Variants in ARHGEF4 observed in about 807,000 individuals in gnomAD.
ARHGEF4 encodes Rho guanine nucleotide exchange factor 4, also known as APC-stimulated guanine nucleotide exchange factor 1.
In ARHGEF4, 119 loss-of-function variants were observed where a neutral mutation model predicts 162.0. The ratio of observed to expected loss-of-function variants is 0.73; its 90% CI spans 0.63 to 0.86. The LOEUF is 0.86. Among genes scored for constraint, ARHGEF4 ranks in the 40% least tolerant of loss-of-function variants. ARHGEF4 has a pLI of 0.00. For synonymous variants in ARHGEF4, 1,014 were observed against 979.9 expected, an observed-to-expected ratio of 1.03 and a Z score of -0.65; for missense variants, 2,488 against 2,456.0, an observed-to-expected ratio of 1.01 and a Z score of -0.28.
chr2:130,915,043 G>A lies in ARHGEF4; in HGVS notation c.1097G>A (p.Gly366Glu), dbSNP rs1681397215. Residue 366 changes from glycine to glutamate, a missense_variant, in exon 2 of 14, where the codon GGG (glycine) becomes GAG (glutamate). Physicochemically the swap from Gly to Glu is moderately conservative, Grantham distance 98. Transcript: ENST00000409359. Reference protein sequence around the residue: ...VVKSGTHVKEGAKNERDPRIQ... With the variant: ...VVKSGTHVKEEAKNERDPRIQ... ...AAGTCTGGGACCCATGTGAAGGAAG[G>A]GGCCAAAAATGAACGAGATCCAAGA... The A allele has an allele frequency of 9.0e-6, 14 of 1,550,686 alleles. No homozygotes were observed. The highest frequency in any genetic ancestry group is 1.2e-5 in the Non-Finnish European group (14 of 1,147,026).
At chr2:130,845,595 C>A (rs1002886263) in intron 1 of ARHGEF4, among the ~76,000 whole-genome samples, 3 of 152,044 alleles carry the variant, frequency 2.0e-5, no homozygotes, top group Non-Finnish European at 2.9e-5. Context: ...CTGCACCCAG[C>A]CTAGAAAGTG....
chr2:131,000,351 C>T (rs376299117), intron 4 of ARHGEF4, among the ~76,000 whole-genome samples: 76 of 152,150 alleles, frequency 5.0e-4, no homozygotes, highest in African/African-American at 1.7e-3. Flanking sequence ...ATATTTTGTT[C>T]GGGATTTTGT....
intron 4 of ARHGEF4, among the ~76,000 whole-genome samples, chr2:130,958,180 GTCC>G: frequency 6.6e-6 from 1 of 152,136 alleles, no homozygotes; most frequent in Non-Finnish European, 1.5e-5. Flanking sequence ...AAATACCACT[GTCC>G]TCCTCTTCCA....
chr2:130,985,517 G>A (rs1490413675), intron 4 of ARHGEF4, among the ~76,000 whole-genome samples: 1 of 152,048 alleles, frequency 6.6e-6, no homozygotes, highest in African/African-American at 2.4e-5. Context: ...GGGAAGAAAA[G>A]TAACAGTGTG....
At position 130,937,486 on chromosome 2, in the gene ARHGEF4, A is replaced by C. The variant is rs1683029666; in HGVS notation, c.3858+6229A>C. On this transcript the variant is annotated intron_variant, in intron 3 of 13. Transcript: ENST00000409359. The stretch of plus-strand genomic sequence containing the variant: ...TTTCTCTTTATTGGTATTCCATTTG[A>C]TGAGACATCATTCTTTTGGTTCCTT... Among the ~76,000 whole-genome samples the C allele has an allele frequency of 2.0e-5, 3 of 151,974 alleles. No homozygotes were observed. The South Asian group carries it at 6.2e-4, about 32-fold the overall frequency.
chr2:130,925,795 G>A (rs1421467075), intron 2 of ARHGEF4, among the ~76,000 whole-genome samples: 1 of 152,046 alleles, frequency 6.6e-6, no homozygotes, highest in South Asian at 2.1e-4. Flanking sequence ...TCTTCTTCAT[G>A]TGGATTTCTT....
At chr2:131,009,313 T>G (rs926456357) in intron 4 of ARHGEF4, among the ~76,000 whole-genome samples, 7 of 152,236 alleles carry the variant, frequency 4.6e-5, no homozygotes, top group African/African-American at 4.8e-5. Flanking sequence ...TATCTCTGTC[T>G]TTCATTACAG....
At chr2:130,902,629 A>G (rs1680552858) in intron 1 of ARHGEF4, among the ~76,000 whole-genome samples, 1 of 150,218 alleles carries the variant, frequency 6.7e-6, no homozygotes, top group Non-Finnish European at 1.5e-5. Context: ...AAAGAGAAGA[A>G]AAAAGGAAAA....
chr2:131,006,529 A>T (rs1253454422), intron 4 of ARHGEF4, among the ~76,000 whole-genome samples: 1 of 152,202 alleles, frequency 6.6e-6, no homozygotes, highest in Non-Finnish European at 1.5e-5. Flanking sequence ...AGGGAATGCC[A>T]TCCAGGAGCC....
chr2:131,035,579 A>G (rs781299753), intron 5 of ARHGEF4: 1 of 822,438 alleles, frequency 1.2e-6, no homozygotes, highest in Non-Finnish European at 1.5e-6. Context: ...GCTTGTCTGG[A>G]AACGGAGTGC....
intron 1 of ARHGEF4, among the ~76,000 whole-genome samples, chr2:130,865,811 A>G (rs1253022320): frequency 6.6e-6 from 1 of 151,996 alleles, no homozygotes; most frequent in African/African-American, 2.4e-5. Context: ...CTGGCTCTTG[A>G]TCTCAGGCTG....
chr2:130,865,002 C>T (rs185008104), intron 1 of ARHGEF4, among the ~76,000 whole-genome samples: 15 of 152,308 alleles, frequency 9.8e-5, no homozygotes, highest in Middle Eastern at 3.4e-3. Flanking sequence ...ACTTCCTGAA[C>T]GTTTTTGTTG....
At chr2:130,956,548 T>G (rs1157167789) in intron 4 of ARHGEF4, among the ~76,000 whole-genome samples, 4 of 149,792 alleles carry the variant, frequency 2.7e-5, no homozygotes. Context: ...CTATTCACAA[T>G]AGCAAAGACT....
At chr2:130,855,397 G>C (rs1405504976) in intron 1 of ARHGEF4, among the ~76,000 whole-genome samples, 1 of 152,140 alleles carries the variant, frequency 6.6e-6, no homozygotes, top group East Asian at 1.9e-4. Context: ...GTTTATTACA[G>C]TGAAAAGATA....
chr2:130,915,909 C>G lies in ARHGEF4; in HGVS notation c.1963C>G (p.Leu655Val). ...CAATGCGGGGCCTGTTCCAGAAACACTGCCCCGTGACTTTCCTAAGGAAAG... is the reference window on the plus strand; with the variant it reads ...CAATGCGGGGCCTGTTCCAGAAACAGTGCCCCGTGACTTTCCTAAGGAAAG... Reference protein sequence around the residue: ...RSNAGPVPETLPRDFPKERPE... With the variant: ...RSNAGPVPETVPRDFPKERPE... Residue 655 changes from leucine to valine, a missense_variant, in exon 2 of 14, where the codon CTG becomes GTG. Coordinates refer to ENST00000409359, the MANE Select transcript of ARHGEF4 (RefSeq NM_001367493.1). The G allele has an allele frequency of 1.3e-6, 2 of 1,550,474 alleles. No individual in the cohort carries two copies. The highest frequency in any genetic ancestry group is 1.7e-6 in the Non-Finnish European group (2 of 1,146,950).
intron 4 of ARHGEF4, among the ~76,000 whole-genome samples, chr2:131,001,159 C>G (rs116591665): frequency 1.3e-5 from 2 of 151,754 alleles, no homozygotes; most frequent in African/African-American, 2.4e-5. Context: ...AAACTTTAGC[C>G]GGGCGTGGCA....
intron 10 of ARHGEF4, 126 bp downstream of exon 10, chr2:131,042,070 A>G: frequency 7.4e-7 from 1 of 1,349,024 alleles, no homozygotes; most frequent in Non-Finnish European, 9.9e-7. Flanking sequence ...CTAGCAACAG[A>G]TGCTCATGGT....
At chr2:130,983,532 C>T (rs1382281644) in intron 4 of ARHGEF4, among the ~76,000 whole-genome samples, 3 of 152,170 alleles carry the variant, frequency 2.0e-5, no homozygotes, top group African/African-American at 7.2e-5. Context: ...TTTCATTTTA[C>T]CAACCATTTT....
chr2:130,921,643 C>A (rs1245699036), intron 2 of ARHGEF4, among the ~76,000 whole-genome samples: 1 of 152,142 alleles, frequency 6.6e-6, no homozygotes, highest in Non-Finnish European at 1.5e-5. Context: ...AGCAGTATCT[C>A]ACTGTGATTT....
Sources: gnomAD v4.1 joint callset for allele counts (sites outside exome capture counted in the v4.1 genomes callset) on GRCh38, gnomAD v4.1.1 for gene constraint, MANE v1.5 for transcripts, NCBI Gene and HGNC (gene_info 2026-07-23, HGNC 2026-07-21) for gene names.